RBFOX1: variants seen among roughly 807,000 people sequenced by gnomAD.
RBFOX1 encodes the protein RNA binding fox-1 homolog 1.
A neutral mutation model predicts 57.7 loss-of-function variants in RBFOX1; 8 were observed. That is an observed-to-expected ratio of 0.14 (90% CI 0.08 to 0.25). RBFOX1 has a LOEUF of 0.25. Among genes scored for constraint, RBFOX1 ranks in the 10% least tolerant of loss-of-function variants. The pLI is 1.00. For missense variants in RBFOX1, 611 were observed against 548.5 expected (o/e 1.11, Z -1.14); for synonymous variants, 326 against 222.4 (o/e 1.47, Z -4.15).
intron 4 of RBFOX1, among the ~76,000 whole-genome samples, chr16:7,348,412 C>A (rs62014055): frequency 6.7e-6 from 1 of 148,414 alleles, no homozygotes; most frequent in Non-Finnish European, 1.5e-5. Flanking sequence ...TTTTTTTTAC[C>A]TCATGAATAT....
At chr16:7,626,433 G>T (rs1249788373) in intron 10 of RBFOX1, among the ~76,000 whole-genome samples, 1 of 152,186 alleles carries the variant, frequency 6.6e-6, no homozygotes, top group Non-Finnish European at 1.5e-5. Context: ...GTGGCTGTGG[G>T]ACATCTTGCC....
intron 13 of RBFOX1, among the ~76,000 whole-genome samples, chr16:7,667,009 A>C (rs1173931147): frequency 2.6e-5 from 4 of 152,202 alleles, no homozygotes; most frequent in Non-Finnish European, 4.4e-5. Context: ...CACGACCCCC[A>C]GCCAGAAATT....
chr16:7,356,311 A>G (rs1170822916), intron 4 of RBFOX1, among the ~76,000 whole-genome samples: 2 of 152,144 alleles, frequency 1.3e-5, no homozygotes, highest in African/African-American at 2.4e-5. Flanking sequence ...TAAGCAACAA[A>G]AGACTGAAAT....
intron 1 of RBFOX1, among the ~76,000 whole-genome samples, chr16:5,255,921 A>T (rs1406298880): frequency 6.6e-6 from 1 of 151,826 alleles, no homozygotes; most frequent in Non-Finnish European, 1.5e-5. Context: ...TTATCTGAAA[A>T]TTGGCTATTA....
chr16:6,696,432 A>T (rs573755799), intron 3 of RBFOX1, among the ~76,000 whole-genome samples: 4 of 152,138 alleles, frequency 2.6e-5, no homozygotes, highest in African/African-American at 7.2e-5. Context: ...ATGCTTTTTC[A>T]TCCCCTCTGA....
intron 1 of RBFOX1, among the ~76,000 whole-genome samples, chr16:6,256,964 C>T (rs2097671615): frequency 6.6e-6 from 1 of 152,234 alleles, no homozygotes; most frequent in South Asian, 2.1e-4. Context: ...AAGCGTAAAC[C>T]TTACACCTGC....
At chr16:6,124,733 G>T (rs972319138) in intron 1 of RBFOX1, among the ~76,000 whole-genome samples, 2 of 151,944 alleles carry the variant, frequency 1.3e-5, no homozygotes, top group Non-Finnish European at 2.9e-5. Flanking sequence ...TCACCATGTT[G>T]GCCAGGCTGG....
At chr16:6,722,674 CTG>C (rs1338207859) in intron 3 of RBFOX1, among the ~76,000 whole-genome samples, 1 of 152,168 alleles carries the variant, frequency 6.6e-6, no homozygotes. Context: ...GGCTAAAATT[CTG>C]TGTCTCTCTT....
intron 1 of RBFOX1, among the ~76,000 whole-genome samples, chr16:6,066,558 T>C (rs1478908401): frequency 3.3e-5 from 5 of 152,228 alleles, no homozygotes; most frequent in African/African-American, 1.2e-4. Flanking sequence ...ATGGATGCCA[T>C]TTAAATACAT....
chr16:5,443,598 C>A (rs1284036020), intron 1 of RBFOX1, among the ~76,000 whole-genome samples: 1 of 152,182 alleles, frequency 6.6e-6, no homozygotes, highest in East Asian at 1.9e-4. Flanking sequence ...CCTTGGCCTC[C>A]CAAAGTAGTG....
intron 4 of RBFOX1, among the ~76,000 whole-genome samples, chr16:7,175,676 G>C (rs1027754535): frequency 1.3e-5 from 2 of 152,202 alleles, no homozygotes; most frequent in African/African-American, 2.4e-5. Context: ...AAAGCCACGT[G>C]TTACCCTGTC....
chr16:6,615,505 G>C (rs1008986281), intron 2 of RBFOX1, among the ~76,000 whole-genome samples: 1 of 151,906 alleles, frequency 6.6e-6, no homozygotes, highest in Non-Finnish European at 1.5e-5. Context: ...AAGGGGCAGA[G>C]GTTGCAGTGA....
chr16:5,290,017 A>G (rs942326455), intron 1 of RBFOX1, among the ~76,000 whole-genome samples: 1 of 152,282 alleles, frequency 6.6e-6, no homozygotes, highest in Non-Finnish European at 1.5e-5. Context: ...TGGTTTGACC[A>G]TGCAATGGAA....
At chr16:6,055,192 A>G (rs1053052924) in intron 1 of RBFOX1, among the ~76,000 whole-genome samples, 39 of 152,104 alleles carry the variant, frequency 2.6e-4, no homozygotes, top group African/African-American at 9.4e-4. Flanking sequence ...GTCCAACGGA[A>G]TTATTAAAAA....
At chr16:7,308,207 C>T (rs971232783) in intron 4 of RBFOX1, among the ~76,000 whole-genome samples, 1 of 151,684 alleles carries the variant, frequency 6.6e-6, no homozygotes, top group Non-Finnish European at 1.5e-5. Flanking sequence ...TAGCACCCAT[C>T]TCATGGTAAG....
In RBFOX1 at chr16:6,694,309, A is replaced by T. The variant is rs577431206; in HGVS notation, c.-16+39659A>T. ...TTTTTCTGTCTTATTTATCTTGACA[A>T]ACAATTTAAGAGATTATCTGGCATT... is the stretch of plus-strand genomic sequence containing the variant. On this transcript the variant is annotated intron_variant, in intron 3 of 15. Coordinates refer to ENST00000550418, the MANE Select transcript of RBFOX1 (RefSeq NM_018723.4). 3.7e-4 allele frequency among the ~76,000 whole-genome samples: 57 copies of T among 152,306 alleles called. No individual in the cohort carries two copies. The Middle Eastern group carries it at 0.014, about 36-fold the overall frequency.
intron 2 of RBFOX1, among the ~76,000 whole-genome samples, chr16:6,518,831 CT>C (rs2096442596): frequency 7.5e-6 from 1 of 133,054 alleles, no homozygotes; most frequent in Admixed American, 8.0e-5. Flanking sequence ...ATCTATCTAT[CT>C]ATCTATCTAT....
At chr16:5,435,029 G>A (rs536310304) in intron 1 of RBFOX1, among the ~76,000 whole-genome samples, 2 of 152,148 alleles carry the variant, frequency 1.3e-5, no homozygotes, top group Non-Finnish European at 2.9e-5. Flanking sequence ...CCCAAGCTTT[G>A]TTTATAGATT....
intron 3 of RBFOX1, among the ~76,000 whole-genome samples, chr16:5,728,687 G>A (rs763193900): frequency 5.9e-5 from 9 of 152,212 alleles, no homozygotes; most frequent in Admixed American, 3.3e-4. Context: ...TTCTTTGTCT[G>A]GCCGCCCCTC....
Sources: allele counts gnomAD v4.1 joint callset (sites outside exome capture counted in the v4.1 genomes callset), GRCh38; gene constraint gnomAD v4.1.1; transcripts MANE v1.5; gene names NCBI Gene and HGNC (gene_info 2026-07-23, HGNC 2026-07-21).